PTPRC: variants seen among roughly 807,000 people sequenced by gnomAD.
The protein encoded by PTPRC is protein tyrosine phosphatase receptor type C.
In PTPRC, 44 loss-of-function variants were observed where a neutral mutation model predicts 155.9. That is an observed-to-expected ratio of 0.28 (90% CI 0.22 to 0.36). PTPRC has a LOEUF of 0.36. Among genes scored for constraint, PTPRC ranks in the 10% least tolerant of loss-of-function variants. PTPRC has a pLI of 1.00. For missense variants in PTPRC, 1,401 were observed against 1,564.6 expected (o/e 0.90, Z 1.76); for synonymous variants, 525 against 533.1 (o/e 0.98, Z 0.21).
At chr1:198,734,090 T>C in intron 20 of PTPRC, 106 bp from the exon 21 acceptor site, 1 of 1,088,708 alleles carries the variant, frequency 9.2e-7, no homozygotes, top group Non-Finnish European at 1.4e-6. Context: ...AAATTCACAA[T>C]CACAAAATGA....
At chr1:198,752,852 C>T in intron 31 of PTPRC, 80 bp downstream of exon 31, 1 of 1,476,266 alleles carries the variant, frequency 6.8e-7, no homozygotes, top group South Asian at 1.2e-5. Flanking sequence ...ATCTAGTTAT[C>T]CTCATATATG....
chr1:198,696,596 T>A (rs1348609650), intron 3 of PTPRC, 116 bp from the exon 4 acceptor site: 4 of 847,382 alleles, frequency 4.7e-6, no homozygotes, highest in South Asian at 2.7e-5. Flanking sequence ...TATGTGTAGA[T>A]ATATGTACAT....
intron 2 of PTPRC, among the ~76,000 whole-genome samples, chr1:198,643,391 CAA>C (rs1351855689): frequency 6.6e-6 from 1 of 151,514 alleles, no homozygotes; most frequent in Non-Finnish European, 1.5e-5. Flanking sequence ...GGAAAATTTT[CAA>C]AGAGGGAAGT....
chr1:198,755,927 G>T lies in PTPRC; in HGVS notation c.3667G>T (p.Asp1223Tyr). Residue 1223 changes from aspartate to tyrosine, a missense_variant, in exon 33 of 33, where the codon GAC becomes TAC. Asp to Tyr is a radical substitution (Grantham distance 160, BLOSUM62 -3). Around this residue, in one of 3 missense-constraint regions of PTPRC, gnomAD observed 400 missense variants for 389.5 expected, o/e 1.03. Transcript: ENST00000442510. ...STFEQYQFLYDVIASTYPAQN... is the reference protein window; with the variant it reads ...STFEQYQFLYYVIASTYPAQN... The stretch of plus-strand genomic sequence containing the variant: ...CTAGGAGCAATATCAATTCCTATAT[G>T]ACGTCATTGCCAGCACCTACCCTGC... 2 of 1,611,412 alleles carry T rather than the reference G, an allele frequency of 1.2e-6. No homozygotes were observed. Among genetic ancestry groups the T allele is most frequent in the Non-Finnish European group, 1.7e-6 (2 of 1,178,034 alleles).
chr1:198,655,240 A>C (rs1316775847), intron 2 of PTPRC, among the ~76,000 whole-genome samples: 1 of 151,958 alleles, frequency 6.6e-6, no homozygotes, highest in Non-Finnish European at 1.5e-5. Context: ...ACATTTTAAA[A>C]AGAGAAAAAA....
chr1:198,680,269 A>G (rs1665238556), intron 2 of PTPRC, among the ~76,000 whole-genome samples: 1 of 152,188 alleles, frequency 6.6e-6, no homozygotes, highest in Non-Finnish European at 1.5e-5. Flanking sequence ...CCTGGACAAC[A>G]TGGTGAAGCC....
At chr1:198,653,318 G>T (rs80099993) in intron 2 of PTPRC, among the ~76,000 whole-genome samples, 3 of 151,580 alleles carry the variant, frequency 2.0e-5, no homozygotes, top group African/African-American at 7.3e-5. Flanking sequence ...AATAATATGA[G>T]GAATTGTTAT....
chr1:198,665,078 G>GC lies in PTPRC; in HGVS notation c.73+25738dup, dbSNP rs1273221277. Among the ~76,000 whole-genome samples, 44 of 126,868 alleles carry GC rather than the reference G, an allele frequency of 3.5e-4. 1 individual carries two copies. Among genetic ancestry groups the GC allele is most frequent in the Admixed American group, 5.1e-4 (6 of 11,672 alleles). The allele number at this position is 126,868 out of a possible 152,430, so 83.2% of individuals were successfully genotyped here. The stretch of plus-strand genomic sequence containing the variant: ...GGAGTGTTTTTAGAACATCCCGGCA[G>GC]CATTTTTTTTTTTTTTTTTTTTTTT... On this transcript the variant is annotated intron_variant, in intron 2 of 32. Coordinates refer to ENST00000442510, the MANE Select transcript of PTPRC (RefSeq NM_002838.5).
intron 2 of PTPRC, among the ~76,000 whole-genome samples, chr1:198,688,800 G>A (rs973187780): frequency 6.6e-6 from 1 of 152,142 alleles, no homozygotes; most frequent in African/African-American, 2.4e-5. Flanking sequence ...CATATGAAGA[G>A]GAAAGGCTGT....
chr1:198,719,218 C>T (rs1247775655), intron 14 of PTPRC, among the ~76,000 whole-genome samples: 1 of 151,986 alleles, frequency 6.6e-6, no homozygotes. Flanking sequence ...TCTTGAGAGG[C>T]TCACCAACAC....
intron 2 of PTPRC, among the ~76,000 whole-genome samples, chr1:198,667,366 T>A (rs953468797): frequency 6.6e-6 from 1 of 152,208 alleles, no homozygotes; most frequent in African/African-American, 2.4e-5. Flanking sequence ...TATCATGTCT[T>A]CTAGTTGCCA....
In PTPRC at chr1:198,728,555, G is replaced by C. The variant is rs1654248478; in HGVS notation, c.1829+107G>C. The C allele has an allele frequency of 1.0e-5, 14 of 1,381,552 alleles. No homozygotes were observed. In the South Asian group the frequency reaches 1.6e-4, roughly 16 times the overall value. The allele number at this position is 1,381,552 out of a possible 1,614,324, so 85.6% of individuals were successfully genotyped here. A position where few individuals can be genotyped will look rare whatever the true frequency, so the allele number is the denominator to read the frequency against. On this transcript the variant is annotated intron_variant, in intron 16 of 32. Coordinates refer to ENST00000442510, the MANE Select transcript of PTPRC (RefSeq NM_002838.5). Reference sequence around the variant, plus strand: ...AGTTAAATGAAATATGTGAACTAGAGAGAAGACAGCATACAGCCCACTTCA... The same window carrying C: ...AGTTAAATGAAATATGTGAACTAGACAGAAGACAGCATACAGCCCACTTCA...
chr1:198,741,465 A>G (rs1264673728), intron 23 of PTPRC, among the ~76,000 whole-genome samples: 5 of 151,808 alleles, frequency 3.3e-5, no homozygotes, highest in Non-Finnish European at 2.9e-5. Context: ...AATGACCTTT[A>G]CCAAATCATT....
rs773528653 is a variant in PTPRC, at chr1:198,754,373, G to A, written c.3614G>A (p.Arg1205His). 10 of 1,613,360 alleles carry A rather than the reference G, an allele frequency of 6.2e-6. No homozygotes were observed. Among genetic ancestry groups the A allele is most frequent in the African/African-American group, 4.0e-5 (3 of 74,968 alleles). The stretch of plus-strand genomic sequence containing the variant: ...ATTTTTCAAGTGGTAAAAGCTCTAC[G>A]CAAAGCTAGGCCAGGCATGGTTTCC... ...VDIFQVVKAL[R>H]KARPGMVSTF... is the part of the protein sequence containing the mutation. Residue 1205 changes from arginine (R) to histidine (H), a missense_variant, in exon 32 of 33, where the codon CGC (arginine) becomes CAC (histidine). Physicochemically the swap from Arg to His is conservative, Grantham distance 29. Around this residue, in one of 3 missense-constraint regions of PTPRC, gnomAD observed 400 missense variants for 389.5 expected, o/e 1.03. Coordinates refer to ENST00000442510, the MANE Select transcript of PTPRC (RefSeq NM_002838.5).
intron 4 of PTPRC, among the ~76,000 whole-genome samples, chr1:198,697,866 A>C (rs1389656578): frequency 6.6e-6 from 1 of 152,210 alleles, no homozygotes; most frequent in Non-Finnish European, 1.5e-5. Context: ...GGATATAGTA[A>C]GCAGTTAAAT....
At chr1:198,743,353 T>C (rs1655000525) in intron 25 of PTPRC, among the ~76,000 whole-genome samples, 1 of 151,810 alleles carries the variant, frequency 6.6e-6, no homozygotes, top group Non-Finnish European at 1.5e-5. Context: ...TGATTACAGA[T>C]ACATAGATAG....
intron 15 of PTPRC, among the ~76,000 whole-genome samples, chr1:198,727,987 TATA>T (rs1430143949): frequency 2.0e-5 from 3 of 152,152 alleles, no homozygotes; most frequent in Non-Finnish European, 2.9e-5. Context: ...CTCCAAAATT[TATA>T]ATAACTGGAT....
intron 11 of PTPRC, among the ~76,000 whole-genome samples, chr1:198,711,620 T>G (rs1311347941): frequency 6.6e-6 from 1 of 152,172 alleles, no homozygotes; most frequent in Non-Finnish European, 1.5e-5. Context: ...TTTTGATGAA[T>G]TGGAGTGCAT....
chr1:198,659,444 G>C (rs1311580916), intron 2 of PTPRC, among the ~76,000 whole-genome samples: 1 of 152,166 alleles, frequency 6.6e-6, no homozygotes, highest in Non-Finnish European at 1.5e-5. Flanking sequence ...GACAGAGGGG[G>C]CCAGTGCTCA....
Sources: allele counts gnomAD v4.1 joint callset (sites outside exome capture counted in the v4.1 genomes callset), GRCh38; gene constraint gnomAD v4.1.1; regional missense constraint gnomAD v4.1.1; transcripts MANE v1.5; gene names NCBI Gene and HGNC (gene_info 2026-07-23, HGNC 2026-07-21).